Variants in PHACTR3 observed in about 807,000 individuals in gnomAD.
PHACTR3 encodes the protein phosphatase and actin regulator 3.
PHACTR3 carries 16 observed loss-of-function variants against 66.8 expected under a neutral mutation model. The ratio of observed to expected loss-of-function variants is 0.24; its 90% CI spans 0.16 to 0.36. The LOEUF (loss-of-function observed/expected upper bound fraction) is 0.36, where lower values mean the gene tolerates loss of function less well. Among genes scored for constraint, PHACTR3 ranks in the 10% least tolerant of loss-of-function variants. The probability of loss-of-function intolerance (pLI) is 1.00; values close to 1 mark genes in which losing one functional copy is unlikely to be tolerated. For synonymous variants in PHACTR3, 323 were observed against 292.1 expected (o/e 1.11, Z -1.08); for missense variants, 647 against 719.9 (o/e 0.90, Z 1.16).
At chr20:59,835,538 A>T (rs2042502291) in intron 8 of PHACTR3, among the ~76,000 whole-genome samples, 1 of 152,152 alleles carries the variant, frequency 6.6e-6, no homozygotes, top group Admixed American at 6.5e-5. Context: ...GCATTCAAAT[A>T]CTGGGCCCTG....
chr20:59,688,765 G>A (rs536943453), intron 1 of PHACTR3, among the ~76,000 whole-genome samples: 8 of 152,164 alleles, frequency 5.3e-5, no homozygotes, highest in African/African-American at 1.4e-4. Flanking sequence ...ATGCATAAAT[G>A]CTGAATAAAT....
chr20:59,633,724 GA>G (rs2034751100), intron 1 of PHACTR3, among the ~76,000 whole-genome samples: 1 of 152,168 alleles, frequency 6.6e-6, no homozygotes, highest in Non-Finnish European at 1.5e-5. Context: ...GTAAGTCATG[GA>G]AAAGGTATTC....
chr20:59,583,545 G>A (rs1232035085), intron 1 of PHACTR3, among the ~76,000 whole-genome samples: 1 of 152,244 alleles, frequency 6.6e-6, no homozygotes, highest in Non-Finnish European at 1.5e-5. Flanking sequence ...GCCCCAGGAG[G>A]GAGGCTCCCC....
intron 1 of PHACTR3, among the ~76,000 whole-genome samples, chr20:59,674,334 C>G (rs2036300733): frequency 2.2e-5 from 3 of 139,286 alleles, no homozygotes; most frequent in African/African-American, 9.0e-5. Flanking sequence ...CTGACTCCTG[C>G]CCTTGGGTTT....
chr20:59,775,739 C>T (rs2040516456), intron 7 of PHACTR3, among the ~76,000 whole-genome samples: 1 of 152,110 alleles, frequency 6.6e-6, no homozygotes, highest in Non-Finnish European at 1.5e-5. Context: ...CTCGTTAGGC[C>T]CTGGAATCCT....
chr20:59,751,199 C>T (rs994791871), intron 3 of PHACTR3, among the ~76,000 whole-genome samples: 4 of 141,612 alleles, frequency 2.8e-5, no homozygotes, highest in Non-Finnish European at 4.4e-5. Flanking sequence ...GTTAAGGAAC[C>T]GGCTTCAGGG....
At chr20:59,821,263 C>G (rs759485860) in intron 8 of PHACTR3, among the ~76,000 whole-genome samples, 2 of 152,144 alleles carry the variant, frequency 1.3e-5, no homozygotes, top group African/African-American at 2.4e-5. Context: ...TAGAGCCACC[C>G]CACTCCCTGG....
chr20:59,794,558 A>G (rs1344205269), intron 7 of PHACTR3, among the ~76,000 whole-genome samples: 1 of 152,070 alleles, frequency 6.6e-6, no homozygotes, highest in African/African-American at 2.4e-5. Context: ...GGCCTTGTAG[A>G]ATAGTTTGGA....
intron 7 of PHACTR3, among the ~76,000 whole-genome samples, chr20:59,791,803 T>C (rs990781753): frequency 2.0e-5 from 3 of 148,002 alleles, no homozygotes; most frequent in African/African-American, 7.5e-5. Flanking sequence ...GTTCTCATTG[T>C]TTCATACTGA....
At chr20:59,688,287 T>C (rs534807562) in intron 1 of PHACTR3, among the ~76,000 whole-genome samples, 1 of 152,236 alleles carries the variant, frequency 6.6e-6, no homozygotes, top group East Asian at 1.9e-4. Context: ...TGCAGAGAAC[T>C]CTAGTGGAAG....
At chr20:59,776,475 G>T (rs1394512490) in intron 7 of PHACTR3, among the ~76,000 whole-genome samples, 2 of 152,158 alleles carry the variant, frequency 1.3e-5, no homozygotes, top group African/African-American at 4.8e-5. Context: ...GTGCACCTCG[G>T]AGAGCACTTC....
intron 7 of PHACTR3, among the ~76,000 whole-genome samples, chr20:59,797,477 G>A (rs2041283924): frequency 6.6e-6 from 1 of 151,994 alleles, no homozygotes; most frequent in South Asian, 2.1e-4. Flanking sequence ...TTACAGATTG[G>A]CATATTTTGG....
chr20:59,790,105 T>C (rs1174061528), intron 7 of PHACTR3, among the ~76,000 whole-genome samples: 2 of 152,258 alleles, frequency 1.3e-5, no homozygotes, highest in East Asian at 3.8e-4. Context: ...TTTATATACA[T>C]TTCCTTTTTT....
chr20:59,774,273 AAAG>A lies in PHACTR3; in HGVS notation c.961_963del (p.Lys321del). ...AAGGAAGAGAAAGTAAAGGGTCTCC[AAAG>A]AAGCGGCTGGATGTCCGTCTGTCGA... On this transcript the variant is annotated inframe_deletion, in exon 7 of 13. Transcript: ENST00000371015. The A allele has an allele frequency of 1.2e-6, 2 of 1,607,156 alleles. No individual in the cohort carries two copies. Among genetic ancestry groups the A allele is most frequent in the Non-Finnish European group, 8.5e-7 (1 of 1,177,216 alleles).
chr20:59,708,634 A>C (rs1371675115), intron 1 of PHACTR3, among the ~76,000 whole-genome samples: 1 of 152,152 alleles, frequency 6.6e-6, no homozygotes, highest in African/African-American at 2.4e-5. Flanking sequence ...GTCCTGCTTC[A>C]TGGGAGACAG....
intron 7 of PHACTR3, among the ~76,000 whole-genome samples, chr20:59,794,520 T>C (rs2041197721): frequency 6.6e-6 from 1 of 152,218 alleles, no homozygotes; most frequent in Non-Finnish European, 1.5e-5. Flanking sequence ...TTTTGTGTCC[T>C]TATCTGGTCT....
rs1259694326 is a variant in PHACTR3, at chr20:59,726,228, G to A, written c.119-16879G>A. Among the ~76,000 whole-genome samples the A allele has an allele frequency of 4.6e-5, 7 of 152,306 alleles. No homozygotes were observed. The East Asian group carries it at 1.4e-3, about 29-fold the overall frequency. On this transcript the variant is annotated intron_variant, in intron 1 of 12. Coordinates refer to ENST00000371015, the MANE Select transcript of PHACTR3 (RefSeq NM_080672.5). ...CTCTTTGAAATCTGCATAAATCACA[G>A]TCATGCTGCATGTTTGGGTTGTCAC...
At chr20:59,788,456 C>A (rs891970220) in intron 7 of PHACTR3, among the ~76,000 whole-genome samples, 1 of 152,080 alleles carries the variant, frequency 6.6e-6, no homozygotes, top group East Asian at 1.9e-4. Context: ...AACCTCCAAC[C>A]CTGCTCTCTC....
At chr20:59,826,868 G>A (rs1010384244) in intron 8 of PHACTR3, among the ~76,000 whole-genome samples, 1 of 152,146 alleles carries the variant, frequency 6.6e-6, no homozygotes, top group African/African-American at 2.4e-5. Flanking sequence ...CATTCTCTGC[G>A]TTACCTTGAC....
Sources: allele counts gnomAD v4.1 joint callset (sites outside exome capture counted in the v4.1 genomes callset), GRCh38; gene constraint gnomAD v4.1.1; transcripts MANE v1.5; gene names NCBI Gene and HGNC (gene_info 2026-07-23, HGNC 2026-07-21).